CDH12: variants seen among roughly 807,000 people sequenced by gnomAD.
CDH12 encodes cadherin-12.
In CDH12, 41 loss-of-function variants were observed where a neutral mutation model predicts 74.1. That is an observed-to-expected ratio of 0.55 (90% CI 0.43 to 0.72). The LOEUF is 0.72. CDH12 is among the 30% of genes least tolerant of loss of function. CDH12 has a pLI of 0.00. For synonymous variants in CDH12, 399 were observed against 355.0 expected (o/e 1.12, Z -1.39); for missense variants, 945 against 977.2 (o/e 0.97, Z 0.44).
chr5:22,464,034 A>T (rs746871038), intron 2 of CDH12, among the ~76,000 whole-genome samples: 34 of 152,250 alleles, frequency 2.2e-4, no homozygotes, highest in Non-Finnish European at 3.8e-4. Flanking sequence ...CTTGGGAGGA[A>T]CCCCATGGGA....
At chr5:22,488,608 A>C (rs1746705993) in intron 2 of CDH12, among the ~76,000 whole-genome samples, 1 of 152,076 alleles carries the variant, frequency 6.6e-6, no homozygotes, top group Non-Finnish European at 1.5e-5. Context: ...ACCTCTACTC[A>C]TCTTCTTTAC....
At chr5:22,261,596 C>T (rs934970576) in intron 3 of CDH12, among the ~76,000 whole-genome samples, 2 of 151,946 alleles carry the variant, frequency 1.3e-5, no homozygotes, top group Non-Finnish European at 2.9e-5. Flanking sequence ...TTTGTTTTGC[C>T]AATTTTCATA....
intron 1 of CDH12, among the ~76,000 whole-genome samples, chr5:22,617,156 G>A (rs1737734386): frequency 6.6e-6 from 1 of 151,914 alleles, no homozygotes; most frequent in South Asian, 2.1e-4. Context: ...TTAAAGAAAT[G>A]AGCCACCATG....
At chr5:22,712,300 C>T (rs1038280268) in intron 1 of CDH12, among the ~76,000 whole-genome samples, 2 of 151,828 alleles carry the variant, frequency 1.3e-5, no homozygotes, top group Non-Finnish European at 2.9e-5. Context: ...ACTTCTGCTC[C>T]CAAATCAGTA....
At chr5:22,264,483 T>A (rs956533943) in intron 3 of CDH12, among the ~76,000 whole-genome samples, 1 of 152,268 alleles carries the variant, frequency 6.6e-6, no homozygotes, top group Non-Finnish European at 1.5e-5. Flanking sequence ...AACAGAGATA[T>A]CAGGTAAAGA....
chr5:21,933,842 C>T (rs1313742431), intron 6 of CDH12, among the ~76,000 whole-genome samples: 2 of 152,120 alleles, frequency 1.3e-5, no homozygotes, highest in Non-Finnish European at 2.9e-5. Context: ...ATTCATTACA[C>T]ATTTGTTCAC....
At chr5:22,132,986 C>A (rs537388364) in intron 4 of CDH12, among the ~76,000 whole-genome samples, 2 of 152,044 alleles carry the variant, frequency 1.3e-5, no homozygotes, top group South Asian at 4.1e-4. Flanking sequence ...TATTATTTCC[C>A]GAAAATAATT....
intron 5 of CDH12, among the ~76,000 whole-genome samples, chr5:22,049,717 A>T (rs1740217608): frequency 6.6e-6 from 1 of 152,132 alleles, no homozygotes; most frequent in Non-Finnish European, 1.5e-5. Context: ...TCTTAGCTAA[A>T]ACCAGTGAGG....
At chr5:21,928,109 T>C (rs1754672284) in intron 6 of CDH12, among the ~76,000 whole-genome samples, 1 of 151,972 alleles carries the variant, frequency 6.6e-6, no homozygotes, top group Non-Finnish European at 1.5e-5. Flanking sequence ...AACATTTGAC[T>C]ATGGTAATAA....
chr5:21,930,485 T>C (rs1050349171), intron 6 of CDH12, among the ~76,000 whole-genome samples: 12 of 152,220 alleles, frequency 7.9e-5, no homozygotes, highest in Admixed American at 2.6e-4. Flanking sequence ...TTTTGGTTAA[T>C]TCTTGTCCTA....
At chr5:22,541,711 C>T (rs1009340496) in intron 1 of CDH12, among the ~76,000 whole-genome samples, 1 of 152,208 alleles carries the variant, frequency 6.6e-6, no homozygotes, top group South Asian at 2.1e-4. Flanking sequence ...TTTCAAAATA[C>T]ATTTGCCTCC....
At chr5:22,378,868 C>A (rs1481400761) in intron 3 of CDH12, among the ~76,000 whole-genome samples, 2 of 151,958 alleles carry the variant, frequency 1.3e-5, no homozygotes, top group Non-Finnish European at 2.9e-5. Flanking sequence ...AAGTATAATG[C>A]CTTATATATG....
intron 1 of CDH12, among the ~76,000 whole-genome samples, chr5:22,676,678 T>C (rs1425631303): frequency 6.6e-6 from 1 of 152,192 alleles, no homozygotes; most frequent in South Asian, 2.1e-4. Flanking sequence ...ATTAAGACCT[T>C]GCTCCAGACC....
intron 1 of CDH12, chr5:22,639,091 A>T: frequency 7.1e-6 from 1 of 140,774 alleles, no homozygotes; most frequent in Non-Finnish European, 1.5e-5. Context: ...AAAAAAAAGA[A>T]TGCCTGGAGA....
chr5:21,779,510 A>C (rs1745790646), intron 11 of CDH12: 1 of 152,264 alleles, frequency 6.6e-6, no homozygotes. Context: ...TAATAAAAAC[A>C]GCAAAGCAGT....
intron 5 of CDH12, among the ~76,000 whole-genome samples, chr5:22,045,803 G>C (rs1739908679): frequency 6.6e-6 from 1 of 152,120 alleles, no homozygotes; most frequent in South Asian, 2.1e-4. Context: ...ATAGTGGTAG[G>C]AGTGGTGGAG....
intron 5 of CDH12, among the ~76,000 whole-genome samples, chr5:22,078,051 CTG>C (rs1561086890): frequency 6.6e-6 from 1 of 152,176 alleles, no homozygotes; most frequent in East Asian, 1.9e-4. Context: ...TGATTCTTCT[CTG>C]TGTCTCTTAT....
At chr5:22,678,078 T>G (rs1352779867) in intron 1 of CDH12, among the ~76,000 whole-genome samples, 2 of 151,864 alleles carry the variant, frequency 1.3e-5, no homozygotes, top group African/African-American at 2.4e-5. Flanking sequence ...TGTAAAATTT[T>G]GGGAAAGATG....
intron 3 of CDH12, among the ~76,000 whole-genome samples, chr5:22,249,648 C>T (rs965907208): frequency 1.3e-5 from 2 of 152,214 alleles, no homozygotes; most frequent in East Asian, 1.9e-4. Flanking sequence ...AATCATCAAC[C>T]GACTCTATTT....
Sources: gnomAD v4.1 joint callset for allele counts (sites outside exome capture counted in the v4.1 genomes callset) on GRCh38, gnomAD v4.1.1 for gene constraint, MANE v1.5 for transcripts, NCBI Gene and HGNC (gene_info 2026-07-23, HGNC 2026-07-21) for gene names.